Variants in OPRD1 observed in about 807,000 individuals in gnomAD.
The protein encoded by OPRD1 is delta-type opioid receptor.
In OPRD1, 19 loss-of-function variants were observed where a neutral mutation model predicts 17.5. The observed-to-expected ratio is 1.09, with a 90% confidence interval of 0.76 to 1.60. The LOEUF is 1.60. OPRD1 is among the 40% of genes most tolerant of loss of function. OPRD1 has a pLI of 0.00. For missense variants in OPRD1, 483 were observed against 547.2 expected, an observed-to-expected ratio of 0.88 and a Z score of 1.17; for synonymous variants, 256 against 240.9, an observed-to-expected ratio of 1.06 and a Z score of -0.58.
At chr1:28,836,935 G>A (rs899839394) in intron 1 of OPRD1, among the ~76,000 whole-genome samples, 1 of 152,122 alleles carries the variant, frequency 6.6e-6, no homozygotes, top group Non-Finnish European at 1.5e-5. Context: ...GGGCAGGGTG[G>A]GGGAACGGGG....
intron 1 of OPRD1, among the ~76,000 whole-genome samples, chr1:28,835,487 C>G (rs2236855): frequency 6.6e-6 from 1 of 152,098 alleles, no homozygotes; most frequent in African/African-American, 2.4e-5. Flanking sequence ...ACTGAGACAG[C>G]TAATTAATTT....
chr1:28,853,034 T>C (rs993744224), intron 1 of OPRD1, among the ~76,000 whole-genome samples: 10 of 152,106 alleles, frequency 6.6e-5, no homozygotes, highest in African/African-American at 1.9e-4. Flanking sequence ...CCCCGTCTCT[T>C]AGAAACAAAC....
chr1:28,834,598 T>C (rs2088834581), intron 1 of OPRD1, among the ~76,000 whole-genome samples: 2 of 152,080 alleles, frequency 1.3e-5, no homozygotes, highest in South Asian at 4.2e-4. Context: ...CAGGCTGGTC[T>C]CGAACTCTTG....
At chr1:28,828,946 C>T (rs904830196) in intron 1 of OPRD1, among the ~76,000 whole-genome samples, 14 of 149,914 alleles carry the variant, frequency 9.3e-5, no homozygotes, top group Admixed American at 2.0e-4. Context: ...GCCGAGATTG[C>T]GCCACTGCAC....
intron 1 of OPRD1, among the ~76,000 whole-genome samples, chr1:28,832,402 G>A (rs2088816000): frequency 3.3e-5 from 5 of 152,116 alleles, no homozygotes; most frequent in Admixed American, 2.0e-4. Flanking sequence ...AGAATCGCTC[G>A]AGCCCAGGAG....
intron 1 of OPRD1, among the ~76,000 whole-genome samples, chr1:28,820,294 A>T (rs1027943990): frequency 1.3e-5 from 2 of 149,840 alleles, no homozygotes; most frequent in African/African-American, 5.0e-5. Flanking sequence ...TTCTGGGTTC[A>T]AGCAATTCTC....
chr1:28,846,882 CTTTCTTTCT>C (rs2124280571), intron 1 of OPRD1, among the ~76,000 whole-genome samples: 1 of 55,650 alleles, frequency 1.8e-5, no homozygotes, highest in African/African-American at 3.9e-5. Flanking sequence ...TTCTTTCTTT[CTTTCTTTCT>C]TTTCTCTTTC....
chr1:28,818,842 G>A (rs982737229), intron 1 of OPRD1, among the ~76,000 whole-genome samples: 2 of 152,130 alleles, frequency 1.3e-5, no homozygotes, highest in African/African-American at 4.8e-5. Context: ...GACTGTGTGA[G>A]GAGCCAGAGG....
rs141593077 is a variant in OPRD1 at position 28,818,875 on chromosome 1, A to G, written c.227+6265A>G. On this transcript the variant is annotated intron_variant, in intron 1 of 2. Transcript: ENST00000234961. ...AGGCCGTGCTGAGGTTCTAGTCTGGATGTGGGAGCTGAGGCTGGACAGGTC... is the reference window on the plus strand; with the variant it reads ...AGGCCGTGCTGAGGTTCTAGTCTGGGTGTGGGAGCTGAGGCTGGACAGGTC... Among the ~76,000 whole-genome samples, 9 of 152,144 alleles carry G rather than the reference A, an allele frequency of 5.9e-5. No homozygotes were observed. In the East Asian group the frequency reaches 1.7e-3, roughly 29 times the overall value.
At chr1:28,835,952 AGTGGGTT>A (rs1162479571) in intron 1 of OPRD1, among the ~76,000 whole-genome samples, 1 of 152,154 alleles carries the variant, frequency 6.6e-6, no homozygotes, top group East Asian at 1.9e-4. Context: ...GTGCGGATTC[AGTGGGTT>A]ATGGAGCACA....
In OPRD1 at chr1:28,867,045, A is replaced by T. The variant is rs2089181203; in HGVS notation, c.*3762A>T. 1 of 143,996 alleles carries T rather than the reference A, an allele frequency of 6.9e-6. No individual in the cohort carries two copies. The highest frequency in any genetic ancestry group is 7.1e-5 in the Admixed American group (1 of 13,992). 8.9% of individuals were successfully genotyped at this position (143,996 alleles called of 1,614,324 possible). On this transcript the variant is annotated 3_prime_UTR_variant, in exon 3 of 3. Coordinates refer to ENST00000234961, the MANE Select transcript of OPRD1 (RefSeq NM_000911.4). ...CAGCCAGTGTCTTGCTCTGTTGCCC[A>T]GTCTGGAGTGCAAGTGCAGTGGTGC...
Position 28,828,338 on chromosome 1 carries a change from G to A in OPRD1, c.227+15728G>A, listed in dbSNP as rs1489627667. On this transcript the variant is annotated intron_variant, in intron 1 of 2. Transcript: ENST00000234961. ...AGGAATCTTTTTTTCTGAGCAGTTT[G>A]TCTCAACAGTGGGCTTAAAATACTC... Among the ~76,000 whole-genome samples the A allele has an allele frequency of 2.0e-5, 3 of 152,198 alleles. No individual in the cohort carries two copies. The East Asian group carries it at 5.8e-4, about 29-fold the overall frequency.
rs550104955 is a variant in OPRD1 at position 28,824,463 on chromosome 1, G to A, written c.227+11853G>A. 7.1e-3 allele frequency among the ~76,000 whole-genome samples: 1,072 copies of A among 150,218 alleles called. 5 individuals are homozygous for A. Among genetic ancestry groups the A allele is most frequent in the Non-Finnish European group, 0.012 (824 of 67,422 alleles). On this transcript the variant is annotated intron_variant, in intron 1 of 2. Transcript: ENST00000234961. ...CGAGTAGCTGGGACTACAGGCGCCC[G>A]CCACCACACCCGGCTAATTTTTTTT...
intron 1 of OPRD1, among the ~76,000 whole-genome samples, chr1:28,840,813 T>G (rs1206719050): frequency 3.3e-5 from 5 of 151,824 alleles, no homozygotes; most frequent in Non-Finnish European, 5.9e-5. Flanking sequence ...TCCCAGCTAC[T>G]CGGGAGGCTG....
chr1:28,827,157 G>A (rs1009263975), intron 1 of OPRD1, among the ~76,000 whole-genome samples: 1 of 152,126 alleles, frequency 6.6e-6, no homozygotes, highest in Non-Finnish European at 1.5e-5. Flanking sequence ...TTAGCTGGGC[G>A]TGGTGGTGTG....
chr1:28,858,010 T>C (rs1011106199), intron 1 of OPRD1, among the ~76,000 whole-genome samples: 2 of 152,044 alleles, frequency 1.3e-5, no homozygotes, highest in African/African-American at 2.4e-5. Flanking sequence ...TTGGTCAGGA[T>C]GGTCTCAATC....
At chr1:28,858,270 C>G (rs1389015000) in intron 1 of OPRD1, among the ~76,000 whole-genome samples, 1 of 151,062 alleles carries the variant, frequency 6.6e-6, no homozygotes, top group Non-Finnish European at 1.5e-5. Context: ...CCCACCATCA[C>G]GCCCGGCTAT....
chr1:28,835,429 C>T (rs1309241495), intron 1 of OPRD1, among the ~76,000 whole-genome samples: 1 of 152,226 alleles, frequency 6.6e-6, no homozygotes, highest in Non-Finnish European at 1.5e-5. Context: ...GACATGCTCT[C>T]TGGGCTTCAT....
chr1:28,817,243 C>T (rs546616231), intron 1 of OPRD1, among the ~76,000 whole-genome samples: 20 of 152,138 alleles, frequency 1.3e-4, no homozygotes, highest in Non-Finnish European at 2.1e-4. Context: ...CTGTCTTCAT[C>T]GGGAAGATGT....
Sources: allele counts gnomAD v4.1 joint callset (sites outside exome capture counted in the v4.1 genomes callset), GRCh38; gene constraint gnomAD v4.1.1; transcripts MANE v1.5; gene names NCBI Gene and HGNC (gene_info 2026-07-23, HGNC 2026-07-21).